Variants in TGFBI observed in about 807,000 individuals in gnomAD.
TGFBI encodes transforming growth factor-beta-induced protein ig-h3.
In TGFBI, 50 loss-of-function variants were observed where a neutral mutation model predicts 73.7. The observed-to-expected ratio is 0.68, with a 90% CI of 0.54 to 0.86. The LOEUF is 0.86. Ranked by LOEUF, TGFBI falls within the 40% of genes least tolerant of loss-of-function variation. TGFBI has a pLI of 0.00. For missense variants in TGFBI, 839 were observed against 877.0 expected, an observed-to-expected ratio of 0.96 and a Z score of 0.55; for synonymous variants, 362 against 360.5, an observed-to-expected ratio of 1.00 and a Z score of -0.05.
intron 12 of TGFBI, among the ~76,000 whole-genome samples, chr5:136,057,911 GAAT>G (rs1751678756): frequency 6.6e-6 from 1 of 152,158 alleles, no homozygotes. Flanking sequence ...AGCAAGAATG[GAAT>G]ATTCCCCAAG....
rs1561612462 is a variant in TGFBI, at chr5:136,052,924, A to C, written c.931A>C (p.Ile311Leu). ...EALRDLLNNH[I>L]LKSAMCAEAI... ...GACCCCAGACCTGCTGAACAACCAC[A>C]TCTTGAAGTCAGCTATGTGTGCTGA... The change falls in exon 8 of 17, where the codon ATC becomes CTC. Residue 311 changes from isoleucine (I) to leucine (L), a missense_variant. Physicochemically the swap from Ile to Leu is conservative, Grantham distance 5 (BLOSUM62 2). Coordinates refer to ENST00000442011, the MANE Select transcript of TGFBI (RefSeq NM_000358.3). 2 of 1,613,768 alleles carry C rather than the reference A, an allele frequency of 1.2e-6. No individual in the cohort carries two copies. The highest frequency in any genetic ancestry group is 2.7e-5 in the African/African-American group (2 of 74,930).
chr5:136,030,714 C>G (rs965989752), intron 1 of TGFBI, among the ~76,000 whole-genome samples: 1 of 152,170 alleles, frequency 6.6e-6, no homozygotes, highest in Non-Finnish European at 1.5e-5. Flanking sequence ...CCGTTGGTCT[C>G]TCTGCCTTTC....
intron 7 of TGFBI, among the ~76,000 whole-genome samples, chr5:136,052,190 C>T (rs1162216479): frequency 1.3e-5 from 2 of 152,252 alleles, no homozygotes; most frequent in African/African-American, 4.8e-5. Context: ...CTTTGGGCCT[C>T]AGCCCTGCCC....
intron 2 of TGFBI, among the ~76,000 whole-genome samples, chr5:136,034,462 A>T (rs1166078776): frequency 6.6e-6 from 1 of 151,992 alleles, no homozygotes; most frequent in Admixed American, 6.6e-5. Flanking sequence ...TGTTACAAGG[A>T]TTGAATGAAA....
chr5:136,061,930 T>A lies in TGFBI; in HGVS notation c.1986+351T>A, dbSNP rs530291509. Among the ~76,000 whole-genome samples, 5 of 152,384 alleles carry A rather than the reference T, an allele frequency of 3.3e-5. No individual in the cohort carries two copies. In the South Asian group the frequency reaches 1.0e-3, roughly 32 times the overall value. ...CATCTTACAGTGGCCAGGCCTGCCC[T>A]GAGCCGGGGCCTCTGGGTCACTCTT... On this transcript the variant is annotated intron_variant, in intron 15 of 16. Transcript: ENST00000442011.
At chr5:136,045,836 T>TTTGG (rs1266294107) in intron 3 of TGFBI, 1 of 152,256 alleles carries the variant, frequency 6.6e-6, no homozygotes, top group Non-Finnish European at 1.5e-5. Flanking sequence ...TGAAACTCAT[T>TTTGG]TTGGTCTTAT....
intron 2 of TGFBI, among the ~76,000 whole-genome samples, chr5:136,038,491 C>T (rs188652075): frequency 3.2e-4 from 48 of 151,806 alleles, no homozygotes; most frequent in Non-Finnish European, 4.9e-4. Flanking sequence ...CTGAGGCGAG[C>T]GGGTCACGAG....
At chr5:136,056,207 G>A (rs1467166626) in intron 11 of TGFBI, among the ~76,000 whole-genome samples, 1 of 152,188 alleles carries the variant, frequency 6.6e-6, no homozygotes, top group Non-Finnish European at 1.5e-5. Context: ...GCACCCTTGT[G>A]AGTTTGTTTT....
intron 1 of TGFBI, 42 bp from the exon 2 acceptor site, chr5:136,033,721 A>G: frequency 3.2e-6 from 5 of 1,556,132 alleles, no homozygotes; most frequent in Non-Finnish European, 4.4e-6. Context: ...AGTGGGGTGG[A>G]CGTGCTGATC....
In TGFBI at chr5:136,051,892, C is replaced by A. The variant is rs563501212; in HGVS notation, c.914-1015C>A. 2.6e-5 allele frequency among the ~76,000 whole-genome samples: 4 copies of A among 152,370 alleles called. No individual in the cohort carries two copies. The East Asian group carries it at 7.7e-4, about 29-fold the overall frequency. Reference sequence around the variant, plus strand: ...GCACGGGCTTCCAAGGCCATCAACTCGTCTGCAGCAGCCCCATGCCTTGCA... The same window carrying A: ...GCACGGGCTTCCAAGGCCATCAACTAGTCTGCAGCAGCCCCATGCCTTGCA... On this transcript the variant is annotated intron_variant, in intron 7 of 16. Transcript: ENST00000442011.
At chr5:136,045,636 A>G (rs1751414533) in intron 3 of TGFBI, 1 of 152,114 alleles carries the variant, frequency 6.6e-6, no homozygotes, top group African/African-American at 2.4e-5. Flanking sequence ...TTCCTAGAGT[A>G]TGTGATGGGA....
chr5:136,029,184 G>A lies in TGFBI; in HGVS notation c.129G>A (p.Gln43=). 6.7e-7 allele frequency: 1 copy of A among 1,501,366 alleles called. No individual in the cohort carries two copies. The highest frequency in any genetic ancestry group is 8.8e-7 in the Non-Finnish European group (1 of 1,130,622). The allele number at this position is 1,501,366 out of a possible 1,614,324, so 93.0% of individuals were successfully genotyped here. A position where few individuals can be genotyped will look rare whatever the true frequency, so the allele number is the denominator to read the frequency against. Residue 43 remains glutamine, a synonymous_variant, in exon 1 of 17, where the codon CAG becomes CAA. Transcript: ENST00000442011. ...VLQHSRLRGR[Q]HGPNVCAVQK... is the part of the protein sequence containing the mutation. ...AGCACAGCAGGCTCCGGGGCCGCCA[G>A]CACGGGTAAGCCGAGCCGCCTGGCC... is the stretch of plus-strand genomic sequence containing the variant.
At position 136,061,601 on chromosome 5, in the gene TGFBI, C is replaced by T. The variant is rs777927582; in HGVS notation, c.1986+22C>T. Reference sequence around the variant, plus strand: ...CAGGGTAAGATGCCTGCTAGGTTTGCGCCTAGCCTGAGCAGCCTCAGGTCC... The same window carrying T: ...CAGGGTAAGATGCCTGCTAGGTTTGTGCCTAGCCTGAGCAGCCTCAGGTCC... On this transcript the variant is annotated intron_variant, in intron 15 of 16. Coordinates refer to ENST00000442011, the MANE Select transcript of TGFBI (RefSeq NM_000358.3). 11 of 1,602,124 alleles carry T rather than the reference C, an allele frequency of 6.9e-6. No homozygotes were observed. The Middle Eastern group carries it at 4.9e-4, about 72-fold the overall frequency.
intron 2 of TGFBI, among the ~76,000 whole-genome samples, chr5:136,039,090 T>C (rs894737331): frequency 6.6e-6 from 1 of 152,242 alleles, no homozygotes; most frequent in Non-Finnish European, 1.5e-5. Context: ...TGTAGGGTAT[T>C]GCTTTCAATG....
intron 2 of TGFBI, among the ~76,000 whole-genome samples, chr5:136,042,917 C>T (rs559284029): frequency 1.3e-5 from 2 of 152,188 alleles, no homozygotes; most frequent in Non-Finnish European, 2.9e-5. Context: ...CTTCCAGAGG[C>T]CCCTCCAGAG....
At chr5:136,054,439 G>C (rs1231672981) in intron 9 of TGFBI, among the ~76,000 whole-genome samples, 1 of 152,206 alleles carries the variant, frequency 6.6e-6, no homozygotes, top group African/African-American at 2.4e-5. Context: ...GTACAGCTGA[G>C]CTGCAGCCCC....
Position 136,056,588 on chromosome 5 carries a change from A to G in TGFBI, c.1548-77A>G. 4 of 1,600,970 alleles carry G rather than the reference A, an allele frequency of 2.5e-6. No individual in the cohort carries two copies. In the South Asian group the frequency reaches 4.4e-5, roughly 18 times the overall value. On this transcript the variant is annotated intron_variant, in intron 11 of 16. Transcript: ENST00000442011. ...TCCTCAGTGGTGAGGTATTTAAGGA[A>G]AATACCTCTCAGCGTGGTGAGGTAT...
At chr5:136,038,121 C>T (rs1469851313) in intron 2 of TGFBI, among the ~76,000 whole-genome samples, 1 of 152,192 alleles carries the variant, frequency 6.6e-6, no homozygotes, top group African/African-American at 2.4e-5. Flanking sequence ...CGACCAAACG[C>T]CTCTGTTGGG....
rs765573708 is a variant in TGFBI at position 136,055,765 on chromosome 5, C to T, written c.1496C>T (p.Thr499Ile). Residue 499 changes from threonine (T) to isoleucine (I), a missense_variant, in exon 11 of 17, where the codon ACC (threonine) becomes ATC (isoleucine). Coordinates refer to ENST00000442011, the MANE Select transcript of TGFBI (RefSeq NM_000358.3). The stretch of plus-strand genomic sequence containing the variant: ...CTGTTCACGATGGACCGGGTGCTGA[C>T]CCCCCCAATGGGGACTGTCATGGAT... ...GTLFTMDRVL[T>I]PPMGTVMDVL... 4 of 1,611,264 alleles carry T rather than the reference C, an allele frequency of 2.5e-6. No homozygotes were observed. The highest frequency in any genetic ancestry group is 1.7e-5 in the Admixed American group (1 of 59,902).
Sources: gnomAD v4.1 joint callset for allele counts (sites outside exome capture counted in the v4.1 genomes callset) on GRCh38, gnomAD v4.1.1 for gene constraint, MANE v1.5 for transcripts, NCBI Gene and HGNC (gene_info 2026-07-23, HGNC 2026-07-21) for gene names.